Variants in PRKCA observed in about 807,000 individuals in gnomAD.
The protein encoded by PRKCA is protein kinase C alpha type.
In PRKCA, 27 loss-of-function variants were observed where a neutral mutation model predicts 87.0. That is an observed-to-expected ratio of 0.31 (90% confidence interval 0.23 to 0.43). The LOEUF (loss-of-function observed/expected upper bound fraction) is 0.43, where lower values mean the gene tolerates loss of function less well. Among genes scored for constraint, PRKCA ranks in the 20% least tolerant of loss-of-function variants. PRKCA has a pLI of 1.00. For missense variants in PRKCA, 518 were observed against 852.3 expected (o/e 0.61, Z 4.88); for synonymous variants, 329 against 311.1 (o/e 1.06, Z -0.61).
At chr17:66,771,084 A>T (rs1974923851) in intron 13 of PRKCA, among the ~76,000 whole-genome samples, 1 of 148,868 alleles carries the variant, frequency 6.7e-6, no homozygotes, top group Non-Finnish European at 1.5e-5. Context: ...GGCTCACTAT[A>T]CTCTGCCTCA....
rs140195484 is a variant in PRKCA, at chr17:66,326,730, A to AT, written c.205+20605dup. On this transcript the variant is annotated intron_variant, in intron 2 of 16. Coordinates refer to ENST00000413366, the MANE Select transcript of PRKCA (RefSeq NM_002737.3). ...GGGTACAGACTCAGCTTTTCTTGGC[A>AT]TTGGCAGTATGTGACTTCTGTATCT... Among the ~76,000 whole-genome samples the AT allele has an allele frequency of 7.6e-4, 116 of 152,260 alleles. 1 individual carries two copies. The East Asian group carries it at 0.02, about 27-fold the overall frequency.
At chr17:66,443,425 C>G (rs767720933) in intron 2 of PRKCA, among the ~76,000 whole-genome samples, 2 of 152,170 alleles carry the variant, frequency 1.3e-5, no homozygotes, top group African/African-American at 2.4e-5. Context: ...TCTTAGATGT[C>G]GTTGTGTATT....
intron 3 of PRKCA, among the ~76,000 whole-genome samples, chr17:66,519,259 CA>C (rs1447792245): frequency 6.6e-6 from 1 of 152,010 alleles, no homozygotes; most frequent in Non-Finnish European, 1.5e-5. Context: ...TGGAAATTTC[CA>C]ACAACAGTTT....
At chr17:66,315,016 T>C (rs1209339738) in intron 2 of PRKCA, among the ~76,000 whole-genome samples, 1 of 152,046 alleles carries the variant, frequency 6.6e-6, no homozygotes, top group Non-Finnish European at 1.5e-5. Flanking sequence ...TGTGTGTATA[T>C]ATATGTGTGT....
At chr17:66,631,632 G>A (rs1482395357) in intron 3 of PRKCA, among the ~76,000 whole-genome samples, 3 of 152,064 alleles carry the variant, frequency 2.0e-5, no homozygotes, top group African/African-American at 7.2e-5. Flanking sequence ...AGAGGTTTTT[G>A]AAATTTAAAA....
At chr17:66,475,873 A>G (rs999986170) in intron 2 of PRKCA, among the ~76,000 whole-genome samples, 9 of 151,910 alleles carry the variant, frequency 5.9e-5, no homozygotes, top group African/African-American at 1.9e-4. Context: ...TTTAAATACT[A>G]TTATACCTGA....
intron 2 of PRKCA, among the ~76,000 whole-genome samples, chr17:66,465,653 C>T (rs1343396193): frequency 6.6e-6 from 1 of 152,008 alleles, no homozygotes; most frequent in Non-Finnish European, 1.5e-5. Context: ...CCCACCTTGG[C>T]CCCTCAAAAG....
chr17:66,674,930 G>A (rs907410894), intron 5 of PRKCA, among the ~76,000 whole-genome samples: 4 of 152,146 alleles, frequency 2.6e-5, no homozygotes, highest in Admixed American at 2.6e-4. Flanking sequence ...TGCAGTGCAC[G>A]CCCACCAATG....
chr17:66,708,079 C>T (rs2144116206), intron 8 of PRKCA, among the ~76,000 whole-genome samples: 1 of 152,258 alleles, frequency 6.6e-6, no homozygotes, highest in Admixed American at 6.5e-5. Flanking sequence ...AGGGATGAGG[C>T]CTCTTTGCCC....
intron 2 of PRKCA, among the ~76,000 whole-genome samples, chr17:66,349,584 G>A (rs1907611674): frequency 6.6e-6 from 1 of 152,190 alleles, no homozygotes; most frequent in Non-Finnish European, 1.5e-5. Flanking sequence ...CTTTTGAACA[G>A]TTTGGGTATG....
intron 3 of PRKCA, among the ~76,000 whole-genome samples, chr17:66,507,756 T>C (rs1917042462): frequency 6.6e-6 from 1 of 152,222 alleles, no homozygotes; most frequent in Non-Finnish European, 1.5e-5. Context: ...GAGAGCTTTT[T>C]GGCTCATGCT....
intron 13 of PRKCA, among the ~76,000 whole-genome samples, chr17:66,743,804 ACCCCAT>A (rs1169016438): frequency 1.3e-5 from 2 of 152,050 alleles, no homozygotes; most frequent in Admixed American, 1.3e-4. Context: ...TCAACAGATT[ACCCCAT>A]GCATTTATCT....
chr17:66,565,008 C>A (rs1485130311), intron 3 of PRKCA, among the ~76,000 whole-genome samples: 1 of 152,148 alleles, frequency 6.6e-6, no homozygotes, highest in East Asian at 1.9e-4. Flanking sequence ...ACCACCACCA[C>A]AACAAGAAAC....
At chr17:66,736,089 C>T (rs1974019248) in intron 10 of PRKCA, among the ~76,000 whole-genome samples, 2 of 151,432 alleles carry the variant, frequency 1.3e-5, no homozygotes, top group African/African-American at 4.9e-5. Context: ...ACCATGTTTC[C>T]CAGGCTGGTC....
At chr17:66,356,866 C>G (rs970432347) in intron 2 of PRKCA, among the ~76,000 whole-genome samples, 1 of 152,126 alleles carries the variant, frequency 6.6e-6, no homozygotes, top group Admixed American at 6.5e-5. Flanking sequence ...GTGATTCTCC[C>G]ACCTTAGCCT....
At chr17:66,364,366 G>C (rs1908576979) in intron 2 of PRKCA, 1 of 152,084 alleles carries the variant, frequency 6.6e-6, no homozygotes, top group Admixed American at 6.6e-5. Flanking sequence ...TCACAGACAA[G>C]GGAGTCACTT....
At chr17:66,541,567 T>C (rs1967988943) in intron 3 of PRKCA, among the ~76,000 whole-genome samples, 1 of 152,242 alleles carries the variant, frequency 6.6e-6, no homozygotes, top group South Asian at 2.1e-4. Context: ...AGGCAGCAGA[T>C]GCTAGCTGCA....
intron 8 of PRKCA, among the ~76,000 whole-genome samples, chr17:66,699,210 C>CAA (rs59337509): frequency 4.7e-5 from 5 of 105,604 alleles, no homozygotes; most frequent in Non-Finnish European, 5.8e-5. Flanking sequence ...GACTGTCTCT[C>CAA]AAAAAAAAAA....
chr17:66,412,538 C>T (rs1197448158), intron 2 of PRKCA: 3 of 152,088 alleles, frequency 2.0e-5, no homozygotes, highest in African/African-American at 4.8e-5. Flanking sequence ...TTGTGAACAT[C>T]TGCCCTTGGA....
Sources: gnomAD v4.1 joint callset for allele counts (sites outside exome capture counted in the v4.1 genomes callset) on GRCh38, gnomAD v4.1.1 for gene constraint, MANE v1.5 for transcripts, NCBI Gene and HGNC (gene_info 2026-07-23, HGNC 2026-07-21) for gene names.